GSK3B: variants seen among roughly 807,000 people sequenced by gnomAD.
GSK3B encodes glycogen synthase kinase 3 beta.
In GSK3B, 15 loss-of-function variants were observed where a neutral mutation model predicts 56.4. The ratio of observed to expected loss-of-function variants is 0.27; its 90% CI spans 0.18 to 0.41. The LOEUF is 0.41. Ranked by LOEUF, GSK3B falls within the 10% of genes least tolerant of loss-of-function variation. The probability of loss-of-function intolerance (pLI) is 1.00; values close to 1 mark genes in which losing one functional copy is unlikely to be tolerated. For synonymous variants in GSK3B, 181 were observed against 188.9 expected (o/e 0.96, Z 0.34); for missense variants, 300 against 513.4 (o/e 0.58, Z 4.02).
intron 1 of GSK3B, among the ~76,000 whole-genome samples, chr3:120,030,123 T>C (rs554616056): frequency 1.3e-5 from 2 of 152,296 alleles, no homozygotes; most frequent in African/African-American, 4.8e-5. Flanking sequence ...TCAGAACCAT[T>C]ATATTTCCTC....
At chr3:120,080,947 C>A (rs2058414092) in intron 1 of GSK3B, among the ~76,000 whole-genome samples, 1 of 152,258 alleles carries the variant, frequency 6.6e-6, no homozygotes, top group Non-Finnish European at 1.5e-5. Context: ...TTACTTTATT[C>A]TTTTGCAGAG....
intron 1 of GSK3B, among the ~76,000 whole-genome samples, chr3:120,015,321 AG>A (rs1303348823): frequency 6.6e-6 from 1 of 152,204 alleles, no homozygotes; most frequent in East Asian, 1.9e-4. Flanking sequence ...TATAATTAAA[AG>A]TCTGAACCCC....
intron 2 of GSK3B, among the ~76,000 whole-genome samples, chr3:119,977,087 T>C (rs2107520838): frequency 6.6e-6 from 1 of 152,290 alleles, no homozygotes; most frequent in South Asian, 2.1e-4. Flanking sequence ...AATAAAACTA[T>C]ATATAATTTT....
rs141576717 is a variant in GSK3B at position 120,051,022 on chromosome 3, G to A, written c.88+42325C>T. On this transcript the variant is annotated intron_variant, in intron 1 of 10. Transcript: ENST00000264235. ...TTTGAGTGAAGTGTTATGGGTCACT[G>A]TAGCTAAATTAAACTACAGGATACA... 9.4e-4 allele frequency among the ~76,000 whole-genome samples: 143 copies of A among 152,180 alleles called. 3 individuals carry two copies. The East Asian group carries it at 0.019, about 20-fold the overall frequency.
chr3:120,091,014 C>CCT (rs2107587799), intron 1 of GSK3B, among the ~76,000 whole-genome samples: 1 of 152,266 alleles, frequency 6.6e-6, no homozygotes, highest in African/African-American at 2.4e-5. Flanking sequence ...CAAGTTACCA[C>CCT]CTCCTTTAAC....
intron 7 of GSK3B, among the ~76,000 whole-genome samples, chr3:119,883,938 T>C (rs2056406659): frequency 6.6e-6 from 1 of 151,980 alleles, no homozygotes; most frequent in African/African-American, 2.4e-5. Flanking sequence ...CAGAAGGAGA[T>C]CTCCACCAAG....
intron 5 of GSK3B, 46 bp downstream of exon 5, chr3:119,915,998 G>C: frequency 7.5e-7 from 1 of 1,341,600 alleles, no homozygotes; most frequent in Non-Finnish European, 1.1e-6. Flanking sequence ...GATAGTAGGG[G>C]GAGGAGGGGA....
chr3:119,862,359 C>T (rs541070890), intron 9 of GSK3B, among the ~76,000 whole-genome samples: 1 of 108,262 alleles, frequency 9.2e-6, no homozygotes, highest in Non-Finnish European at 1.8e-5. Context: ...GAATATCACA[C>T]TCTGGGGACT....
rs557449117 is a variant in GSK3B at position 119,981,898 on chromosome 3, G to T, written c.282+20148C>A. The stretch of plus-strand genomic sequence containing the variant: ...ACAGACAGACTGCCTCCACAAGTGG[G>T]TCCCTGACCCCCGTATAGCCTAACT... On this transcript the variant is annotated intron_variant, in intron 2 of 10. Transcript: ENST00000264235. 3.3e-5 allele frequency among the ~76,000 whole-genome samples: 5 copies of T among 152,324 alleles called. No individual in the cohort carries two copies. In the East Asian group the frequency reaches 9.7e-4, roughly 29 times the overall value.
chr3:119,971,629 T>TTTTG (rs1240227918), intron 2 of GSK3B, among the ~76,000 whole-genome samples: 20 of 137,730 alleles, frequency 1.5e-4, no homozygotes, highest in Non-Finnish European at 1.8e-4. Flanking sequence ...TTTTTTTTTT[T>TTTTG]GAGACGGAGT....
Position 119,825,764 on chromosome 3 carries a change from T to C in GSK3B, c.*1024A>G, listed in dbSNP as rs180780479. The C allele has an allele frequency of 4.0e-5, 9 of 224,586 alleles. No homozygotes were observed. The East Asian group carries it at 5.9e-4, about 15-fold the overall frequency. The allele number at this position is 224,586 out of a possible 1,614,324, so 13.9% of individuals were successfully genotyped here. A position where few individuals can be genotyped will look rare whatever the true frequency, so the allele number is the denominator to read the frequency against. ...TTAAAAAATATGAAAAATAAACCAGTAGATGACTGTTACAGTTCACATTAT... is the reference window on the plus strand; with the variant it reads ...TTAAAAAATATGAAAAATAAACCAGCAGATGACTGTTACAGTTCACATTAT... On this transcript the variant is annotated 3_prime_UTR_variant, in exon 11 of 11. Coordinates refer to ENST00000264235, the MANE Select transcript of GSK3B (RefSeq NM_001146156.2).
intron 7 of GSK3B, among the ~76,000 whole-genome samples, chr3:119,890,059 A>G (rs372627573): frequency 1.3e-5 from 2 of 152,130 alleles, no homozygotes; most frequent in African/African-American, 4.8e-5. Context: ...GTGGGAGTGT[A>G]AAATAGTAAA....
chr3:119,956,441 T>C (rs1165013955), intron 2 of GSK3B, among the ~76,000 whole-genome samples: 1 of 152,208 alleles, frequency 6.6e-6, no homozygotes, highest in East Asian at 1.9e-4. Context: ...AGACTTTTTT[T>C]GGATTTAGTA....
At chr3:120,084,549 T>G (rs1448054633) in intron 1 of GSK3B, 1 of 152,216 alleles carries the variant, frequency 6.6e-6, no homozygotes, top group Non-Finnish European at 1.5e-5. Flanking sequence ...GTGCTTGATT[T>G]AGGAGCAGAA....
At chr3:119,947,783 C>A (rs181636354) in intron 2 of GSK3B, among the ~76,000 whole-genome samples, 2 of 143,074 alleles carry the variant, frequency 1.4e-5, no homozygotes, top group African/African-American at 2.6e-5. Context: ...TTCTAAGATG[C>A]AGTGAAAAAA....
chr3:119,829,166 T>C (rs990993905), intron 10 of GSK3B, among the ~76,000 whole-genome samples: 1 of 152,158 alleles, frequency 6.6e-6, no homozygotes, highest in Non-Finnish European at 1.5e-5. Flanking sequence ...TGTGCATCAA[T>C]AACCTAACAT....
intron 1 of GSK3B, among the ~76,000 whole-genome samples, chr3:120,074,308 A>AAAAG (rs1394051808): frequency 6.6e-6 from 1 of 151,838 alleles, no homozygotes; most frequent in African/African-American, 2.4e-5. Context: ...TCTAAAAAAA[A>AAAAG]AAAGAAAGAA....
chr3:119,906,756 G>T (rs1300268474), intron 6 of GSK3B, among the ~76,000 whole-genome samples: 5 of 152,076 alleles, frequency 3.3e-5, no homozygotes, highest in Admixed American at 6.6e-5. Context: ...GCTTTAGGGA[G>T]ACGAATATGA....
chr3:119,845,331 A>G (rs1043082755), intron 9 of GSK3B, among the ~76,000 whole-genome samples: 5 of 152,356 alleles, frequency 3.3e-5, no homozygotes, highest in Non-Finnish European at 7.3e-5. Flanking sequence ...ATCAGGCAAG[A>G]GAAAGAAATA....
Sources: gnomAD v4.1 joint callset for allele counts (sites outside exome capture counted in the v4.1 genomes callset) on GRCh38, gnomAD v4.1.1 for gene constraint, MANE v1.5 for transcripts, NCBI Gene and HGNC (gene_info 2026-07-23, HGNC 2026-07-21) for gene names.